The following CNTN4 variants were observed in gnomAD, a reference collection of about 807,000 sequenced individuals.
CNTN4 encodes the protein contactin 4.
Under a neutral mutation model 122.5 loss-of-function variants are expected in CNTN4, and 77 were observed. The ratio of observed to expected loss-of-function variants is 0.63; its 90% CI spans 0.52 to 0.76. The LOEUF (loss-of-function observed/expected upper bound fraction) is 0.76, where lower values mean the gene tolerates loss of function less well. Among genes scored for constraint, CNTN4 ranks in the 30% least tolerant of loss-of-function variants. The pLI is 0.00. For synonymous variants in CNTN4, 512 were observed against 447.0 expected (o/e 1.15, Z -1.83); for missense variants, 1,256 against 1,259.1 (o/e 1.00, Z 0.04).
intron 4 of CNTN4, among the ~76,000 whole-genome samples, chr3:2,581,762 A>G (rs943228019): frequency 6.6e-6 from 1 of 152,260 alleles, no homozygotes; most frequent in Non-Finnish European, 1.5e-5. Context: ...ATGTCTATCA[A>G]TTGATAAATA....
chr3:2,102,600 C>G (rs2032076790), intron 2 of CNTN4, among the ~76,000 whole-genome samples: 1 of 152,214 alleles, frequency 6.6e-6, no homozygotes, highest in Non-Finnish European at 1.5e-5. Context: ...TTCATCTGTT[C>G]TGTGCCCTTG....
chr3:2,910,047 A>G (rs903197249), intron 12 of CNTN4, among the ~76,000 whole-genome samples: 1 of 152,252 alleles, frequency 6.6e-6, no homozygotes, highest in African/African-American at 2.4e-5. Context: ...AGCAGGCATC[A>G]GAGATTCCAA....
intron 3 of CNTN4, among the ~76,000 whole-genome samples, chr3:2,408,447 T>G (rs2047114104): frequency 6.6e-6 from 1 of 152,210 alleles, no homozygotes; most frequent in Non-Finnish European, 1.5e-5. Flanking sequence ...AATTCTCATT[T>G]AGGAGAAAGT....
intron 3 of CNTN4, among the ~76,000 whole-genome samples, chr3:2,413,568 G>C (rs1253829251): frequency 2.6e-5 from 4 of 151,102 alleles, no homozygotes; most frequent in Admixed American, 1.3e-4. Flanking sequence ...TTTTGAGACG[G>C]AGTCTCCCTT....
chr3:2,638,619 A>T (rs2082769226), intron 4 of CNTN4, among the ~76,000 whole-genome samples: 1 of 152,154 alleles, frequency 6.6e-6, no homozygotes, highest in South Asian at 2.1e-4. Flanking sequence ...TATCAGAGTG[A>T]ATTTCTTTAT....
chr3:2,883,343 C>A, intron 9 of CNTN4, 96 bp downstream of exon 9: 1 of 899,242 alleles, frequency 1.1e-6, no homozygotes, highest in Non-Finnish European at 1.8e-6. Context: ...TCTGAGGTGA[C>A]GGAAAAGCAA....
chr3:2,854,204 A>C (rs1360935967), intron 7 of CNTN4, among the ~76,000 whole-genome samples: 2 of 151,702 alleles, frequency 1.3e-5, no homozygotes, highest in Non-Finnish European at 2.9e-5. Context: ...AGCAAGACGC[A>C]GGGAAGCGGG....
intron 6 of CNTN4, among the ~76,000 whole-genome samples, chr3:2,785,569 A>G (rs1197968589): frequency 2.0e-5 from 3 of 152,240 alleles, no homozygotes; most frequent in Admixed American, 2.0e-4. Context: ...AACATATAAA[A>G]CTAATAATCA....
At chr3:2,613,639 T>G (rs2081591764) in intron 4 of CNTN4, among the ~76,000 whole-genome samples, 1 of 152,116 alleles carries the variant, frequency 6.6e-6, no homozygotes, top group Non-Finnish European at 1.5e-5. Flanking sequence ...TGACTCCAAT[T>G]TTTGCTATAT....
In CNTN4 at chr3:2,323,671, G is replaced by C. The variant is rs961180413; in HGVS notation, c.-144-15507G>C. Reference sequence around the variant, plus strand: ...GCTTTCTTTTTTCCTGGCAGAATTTGGTCAAAGCAACTATTTCATTGCAAC... The same window carrying C: ...GCTTTCTTTTTTCCTGGCAGAATTTCGTCAAAGCAACTATTTCATTGCAAC... On this transcript the variant is annotated intron_variant, in intron 2 of 24. Transcript: ENST00000418658. Among the ~76,000 whole-genome samples the C allele has an allele frequency of 3.3e-5, 5 of 152,114 alleles. No individual in the cohort carries two copies. The South Asian group carries it at 1.0e-3, about 32-fold the overall frequency.
chr3:2,729,059 A>T (rs1280899067), intron 4 of CNTN4, among the ~76,000 whole-genome samples: 1 of 152,230 alleles, frequency 6.6e-6, no homozygotes, highest in East Asian at 1.9e-4. Flanking sequence ...GTTTTCTAAG[A>T]TGAAATCATA....
At position 2,880,311 on chromosome 3, in the gene CNTN4, A is replaced by G. The variant is rs1441223177; in HGVS notation, c.653-2834A>G. Among the ~76,000 whole-genome samples, 5 of 152,348 alleles carry G rather than the reference A, an allele frequency of 3.3e-5. No individual in the cohort carries two copies. In the South Asian group the frequency reaches 8.3e-4, roughly 25 times the overall value. On this transcript the variant is annotated intron_variant, in intron 8 of 24. Transcript: ENST00000418658. ...CTCCCTCTAACACATGATACACTGC[A>G]AGGCAGGCTGTCTTGATTTCCTGGG... is the stretch of plus-strand genomic sequence containing the variant.
intron 12 of CNTN4, among the ~76,000 whole-genome samples, chr3:2,918,292 G>A (rs533616421): frequency 6.6e-6 from 1 of 152,218 alleles, no homozygotes; most frequent in African/African-American, 2.4e-5. Flanking sequence ...AAAGCCTCAG[G>A]GAACACATTA....
intron 2 of CNTN4, among the ~76,000 whole-genome samples, chr3:2,249,867 T>G (rs2149673989): frequency 6.6e-6 from 1 of 151,994 alleles, no homozygotes; most frequent in Non-Finnish European, 1.5e-5. Flanking sequence ...ACATAATGAG[T>G]GTTTTTATTG....
intron 6 of CNTN4, among the ~76,000 whole-genome samples, chr3:2,747,413 AAAAAAT>A (rs1306226385): frequency 0.017 from 511 of 29,990 alleles, 3 homozygotes; most frequent in Non-Finnish European, 0.04. Flanking sequence ...CGTCTAAAAA[AAAAAAT>A]AAAAATAAAA....
At chr3:2,569,225 C>T (rs924060474) in intron 3 of CNTN4, among the ~76,000 whole-genome samples, 4 of 152,154 alleles carry the variant, frequency 2.6e-5, no homozygotes, top group East Asian at 1.9e-4. Context: ...AAAAGAAAGG[C>T]GAGTTCTCTA....
intron 6 of CNTN4, among the ~76,000 whole-genome samples, chr3:2,778,464 C>T (rs940631589): frequency 1.3e-5 from 2 of 152,012 alleles, no homozygotes; most frequent in African/African-American, 4.8e-5. Flanking sequence ...CTCTAAGACC[C>T]AAAGCCACTC....
intron 2 of CNTN4, among the ~76,000 whole-genome samples, chr3:2,227,248 G>A (rs895118497): frequency 3.3e-5 from 5 of 152,030 alleles, no homozygotes; most frequent in Non-Finnish European, 7.4e-5. Flanking sequence ...ACTTTTCATT[G>A]TAAATACATT....
At chr3:2,926,780 C>CTT (rs113338815) in intron 13 of CNTN4, among the ~76,000 whole-genome samples, 4 of 151,816 alleles carry the variant, frequency 2.6e-5, no homozygotes, top group Admixed American at 2.6e-4. Flanking sequence ...TGTATTCATA[C>CTT]TTTTTTTAAC....
Sources: gnomAD v4.1 joint callset for allele counts (sites outside exome capture counted in the v4.1 genomes callset) on GRCh38, gnomAD v4.1.1 for gene constraint, MANE v1.5 for transcripts, NCBI Gene and HGNC (gene_info 2026-07-23, HGNC 2026-07-21) for gene names.